LMNB1: variants seen among roughly 807,000 people sequenced by gnomAD.
The protein encoded by LMNB1 is lamin-B1.
A neutral mutation model predicts 67.1 loss-of-function variants in LMNB1; 23 were observed. The observed-to-expected ratio is 0.34, with a 90% CI of 0.25 to 0.49. LMNB1 has a LOEUF of 0.49. LMNB1 is among the 20% of genes least tolerant of loss of function. The pLI is 0.99. For missense variants in LMNB1, 634 were observed against 746.5 expected (o/e 0.85, Z 1.76); for synonymous variants, 281 against 282.9 (o/e 0.99, Z 0.07).
chr5:126,796,779 T>C (rs1304168971), intron 1 of LMNB1, among the ~76,000 whole-genome samples: 1 of 135,652 alleles, frequency 7.4e-6, no homozygotes, highest in Admixed American at 8.3e-5. Context: ...CTTTTTCTTT[T>C]TTCTTTCTTT....
chr5:126,783,343 T>C (rs913549557), intron 1 of LMNB1, among the ~76,000 whole-genome samples: 2 of 128,214 alleles, frequency 1.6e-5, no homozygotes, highest in African/African-American at 3.2e-5. Flanking sequence ...ATAAGAGTTA[T>C]CAAACTTTTA....
intron 9 of LMNB1, among the ~76,000 whole-genome samples, chr5:126,827,842 G>A (rs1047214797): frequency 3.9e-5 from 6 of 152,154 alleles, no homozygotes; most frequent in Non-Finnish European, 8.8e-5. Flanking sequence ...AGTGGTCAGC[G>A]GGTCAAATCA....
rs1179342923 is a variant in LMNB1 at position 126,787,524 on chromosome 5, GTATATATATATA to G, written c.359+9669_359+9680del. ...TTATATATAACGTGTGTGTGTGGGG[GTATATATATATA>G]TATATATATATTTTTTTTTTTTTTT... On this transcript the variant is annotated intron_variant, in intron 1 of 10. Transcript: ENST00000261366. 3.1e-3 allele frequency among the ~76,000 whole-genome samples: 269 copies of G among 87,492 alleles called. 14 individuals carry two copies. The highest frequency in any genetic ancestry group is 0.021 in the Middle Eastern group (2 of 94). 57.4% of individuals were successfully genotyped at this position (87,492 alleles called of 152,430 possible).
At chr5:126,799,653 TTATC>T (rs1311336868) in intron 1 of LMNB1, among the ~76,000 whole-genome samples, 1 of 152,218 alleles carries the variant, frequency 6.6e-6, no homozygotes, top group Non-Finnish European at 1.5e-5. Context: ...TCTTATTTAT[TTATC>T]TTTCTCTTCC....
intron 1 of LMNB1, among the ~76,000 whole-genome samples, chr5:126,803,075 A>G (rs549417948): frequency 6.6e-6 from 1 of 150,406 alleles, no homozygotes; most frequent in East Asian, 2.0e-4. Flanking sequence ...AATCCCAGCT[A>G]CTTGGGAGGC....
At chr5:126,789,922 C>G (rs539068631) in intron 1 of LMNB1, among the ~76,000 whole-genome samples, 1 of 152,194 alleles carries the variant, frequency 6.6e-6, no homozygotes, top group East Asian at 1.9e-4. Flanking sequence ...ATCCACCTGC[C>G]TCGGCCTCCC....
At chr5:126,790,922 G>A (rs1028341147) in intron 1 of LMNB1, among the ~76,000 whole-genome samples, 4 of 151,956 alleles carry the variant, frequency 2.6e-5, no homozygotes, top group African/African-American at 9.7e-5. Flanking sequence ...TCAGGAGGCC[G>A]AGGCAAGGGA....
intron 1 of LMNB1, among the ~76,000 whole-genome samples, chr5:126,796,892 G>A (rs1390234282): frequency 1.4e-5 from 2 of 147,710 alleles, no homozygotes; most frequent in Non-Finnish European, 3.0e-5. Flanking sequence ...AGATTCAAGC[G>A]ATTCTCCTGC....
At chr5:126,832,549 C>G in intron 9 of LMNB1, 145 bp from the exon 10 acceptor site, 1 of 519,674 alleles carries the variant, frequency 1.9e-6, no homozygotes, top group Non-Finnish European at 3.6e-6. Flanking sequence ...ATCTGCCTGC[C>G]TTGGCCTCCC....
intron 10 of LMNB1, 68 bp downstream of exon 10, chr5:126,832,869 TGTG>T: frequency 8.9e-7 from 1 of 1,119,924 alleles, no homozygotes; most frequent in Non-Finnish European, 1.2e-6. Context: ...AGACCAAGAG[TGTG>T]GTTGGGTTTT....
chr5:126,788,327 A>G (rs1420852953), intron 1 of LMNB1, among the ~76,000 whole-genome samples: 1 of 152,112 alleles, frequency 6.6e-6, no homozygotes, highest in Non-Finnish European at 1.5e-5. Flanking sequence ...GAGAACCCAC[A>G]ATGGGGATGA....
At position 126,818,969 on chromosome 5, in the gene LMNB1, TAAAGAA is replaced by T; in HGVS notation, c.993_998del (p.Glu331_Lys332del). ...TTCAAGAATTAGAGGACTTGCTTGC[TAAAGAA>T]AAAGACAACTCTCGTCGCATGCTGA... On this transcript the variant is annotated inframe_deletion, in exon 6 of 11. Coordinates refer to ENST00000261366, the MANE Select transcript of LMNB1 (RefSeq NM_005573.4). 1 of 1,614,136 alleles carries T rather than the reference TAAAGAA, an allele frequency of 6.2e-7. No individual in the cohort carries two copies.
intron 1 of LMNB1, among the ~76,000 whole-genome samples, chr5:126,798,769 G>GTGTGTC (rs1751181264): frequency 6.6e-6 from 1 of 151,370 alleles, no homozygotes; most frequent in Non-Finnish European, 1.5e-5. Context: ...AGAAGTGTGT[G>GTGTGTC]TGTGTGTGTG....
chr5:126,786,406 C>T (rs1193631041), intron 1 of LMNB1, among the ~76,000 whole-genome samples: 3 of 152,144 alleles, frequency 2.0e-5, no homozygotes, highest in African/African-American at 7.2e-5. Context: ...CAGGCGTGAG[C>T]CACCGTTCCC....
chr5:126,832,542 TGCCTGCCTTG>T (rs968707390), intron 9 of LMNB1, 142 bp from the exon 10 acceptor site: 2 of 495,900 alleles, frequency 4.0e-6, no homozygotes, highest in African/African-American at 4.2e-5. Flanking sequence ...TCGGGTGATC[TGCCTGCCTTG>T]GCCTCCCAAA....
intron 1 of LMNB1, among the ~76,000 whole-genome samples, chr5:126,779,225 A>G (rs1750561656): frequency 6.6e-6 from 1 of 152,244 alleles, no homozygotes; most frequent in African/African-American, 2.4e-5. Flanking sequence ...ACGTGGTAAG[A>G]ATAAAATAGT....
Position 126,811,874 on chromosome 5 carries a change from C to A in LMNB1, c.915C>A (p.Ser305=). ...GCATGAGAATTGAGAGCCTTTCATC[C>A]CAGCTTTCTAATCTACAGAAAGAGG... ...ESRMRIESLS[S]QLSNLQKESR... Residue 305 remains serine, a synonymous_variant, in exon 5 of 11, where the codon TCC becomes TCA. Coordinates refer to ENST00000261366, the MANE Select transcript of LMNB1 (RefSeq NM_005573.4). The A allele has an allele frequency of 6.2e-7, 1 of 1,612,402 alleles. No individual in the cohort carries two copies. Among genetic ancestry groups the A allele is most frequent in the South Asian group, 1.1e-5 (1 of 91,000 alleles).
rs1034786910 is a variant in LMNB1 at position 126,777,724 on chromosome 5, C to T, written c.216C>T (p.Gly72=). 4.5e-6 allele frequency: 7 copies of T among 1,542,056 alleles called. No individual in the cohort carries two copies. The highest frequency in any genetic ancestry group is 1.4e-5 in the African/African-American group (1 of 71,708). Residue 72 remains glycine (G), a synonymous_variant, in exon 1 of 11, where the codon GGC becomes GGT. Coordinates refer to ENST00000261366, the MANE Select transcript of LMNB1 (RefSeq NM_005573.4). The stretch of plus-strand genomic sequence containing the variant: ...TGACGGAGCGCGAGGAGGTGCGCGG[C>T]CGTGAGCTCACCGGCCTCAAGGCGC... ...LQVTEREEVR[G]RELTGLKALY... is the part of the protein sequence containing the mutation.
intron 1 of LMNB1, among the ~76,000 whole-genome samples, chr5:126,780,961 T>C (rs1350620178): frequency 6.6e-6 from 1 of 152,112 alleles, no homozygotes. Flanking sequence ...TCTCTTTGCT[T>C]AAGGTAGGCT....
Sources: gnomAD v4.1 joint callset for allele counts (sites outside exome capture counted in the v4.1 genomes callset) on GRCh38, gnomAD v4.1.1 for gene constraint, MANE v1.5 for transcripts, NCBI Gene and HGNC (gene_info 2026-07-23, HGNC 2026-07-21) for gene names.